IL1RAPL1: variants seen among roughly 807,000 people sequenced by gnomAD.
The protein encoded by IL1RAPL1 is interleukin 1 receptor accessory protein like 1.
A neutral mutation model predicts 48.4 loss-of-function variants in IL1RAPL1; 3 were observed. The observed-to-expected ratio is 0.06, with a 90% CI of 0.03 to 0.16. The LOEUF is 0.16. Ranked by LOEUF, IL1RAPL1 falls within the 10% of genes least tolerant of loss-of-function variation. IL1RAPL1 has a pLI of 1.00. For synonymous variants in IL1RAPL1, 185 were observed against 187.7 expected (o/e 0.99, Z 0.12); for missense variants, 349 against 530.6 (o/e 0.66, Z 3.36).
In IL1RAPL1 at chrX:29,451,823, A is replaced by G. The variant is rs767154679; in HGVS notation, c.703+52515A>G. Among the ~76,000 whole-genome samples, 7 of 112,210 alleles carry G rather than the reference A, an allele frequency of 6.2e-5. No homozygotes were observed. In the South Asian group the frequency reaches 2.6e-3, roughly 41 times the overall value. On this transcript the variant is annotated intron_variant, in intron 5 of 10. Coordinates refer to ENST00000378993, the MANE Select transcript of IL1RAPL1 (RefSeq NM_014271.4). ...AAACAGTATTTGGTGGTTCAACAAA[A>G]TAGAAAATTAATTTTAAAAATAGAG...
chrX:29,107,918 T>C (rs1028195430), intron 2 of IL1RAPL1, among the ~76,000 whole-genome samples: 3 of 112,115 alleles, frequency 2.7e-5, no homozygotes. Flanking sequence ...ATGACTACTC[T>C]TTACTTAACA....
intron 2 of IL1RAPL1, among the ~76,000 whole-genome samples, chrX:28,926,188 C>A (rs976296549): frequency 8.9e-6 from 1 of 111,812 alleles, no homozygotes; most frequent in Non-Finnish European, 1.9e-5. Flanking sequence ...CTAGCAGCTT[C>A]GTATTGAGCA....
Position 29,484,309 on chromosome X carries a change from A to G in IL1RAPL1, c.703+85001A>G, listed in dbSNP as rs192506147. Among the ~76,000 whole-genome samples, 372 of 111,534 alleles carry G rather than the reference A, an allele frequency of 3.3e-3. 2 individuals are homozygous for G. The highest frequency in any genetic ancestry group is 0.011 in the African/African-American group (329 of 30,662). The stretch of plus-strand genomic sequence containing the variant: ...ATGTCGAAGGGTATCACATGGTGAC[A>G]GGGCAAGATCTTTCTTCTTCCTATA... On this transcript the variant is annotated intron_variant, in intron 5 of 10. Transcript: ENST00000378993.
At chrX:28,859,069 A>G (rs1448301087) in intron 2 of IL1RAPL1, among the ~76,000 whole-genome samples, 2 of 112,198 alleles carry the variant, frequency 1.8e-5, no homozygotes, top group Non-Finnish European at 3.8e-5. Flanking sequence ...TTACTTACCC[A>G]TGTTTTCCAA....
At chrX:28,697,558 T>C (rs528315711) in intron 1 of IL1RAPL1, among the ~76,000 whole-genome samples, 2 of 111,730 alleles carry the variant, frequency 1.8e-5, no homozygotes, top group South Asian at 7.3e-4. Flanking sequence ...AGTTACTCTT[T>C]AAATTTCCTC....
At chrX:29,328,791 G>A (rs1182401654) in intron 3 of IL1RAPL1, among the ~76,000 whole-genome samples, 1 of 109,960 alleles carries the variant, frequency 9.1e-6, no homozygotes, top group Non-Finnish European at 1.9e-5. Context: ...ATTCAAAGTA[G>A]TTATGTCTGT....
chrX:28,622,455 A>G (rs1934294893), intron 1 of IL1RAPL1, among the ~76,000 whole-genome samples: 1 of 112,014 alleles, frequency 8.9e-6, no homozygotes, highest in African/African-American at 3.2e-5. Context: ...TTTTAAAAAA[A>G]GAAGATAAAT....
chrX:29,815,149 G>A (rs1472193069), intron 6 of IL1RAPL1, among the ~76,000 whole-genome samples: 1 of 111,397 alleles, frequency 9.0e-6, no homozygotes, highest in East Asian at 2.8e-4. Flanking sequence ...GAATAACGCT[G>A]AATCTATAAA....
intron 1 of IL1RAPL1, among the ~76,000 whole-genome samples, chrX:28,699,609 G>C: frequency 8.9e-6 from 1 of 112,018 alleles, no homozygotes; most frequent in Non-Finnish European, 1.9e-5. Context: ...AAGTTAATTA[G>C]TGCCAGATTA....
chrX:29,063,010 A>G (rs903396299), intron 2 of IL1RAPL1, among the ~76,000 whole-genome samples: 2 of 111,393 alleles, frequency 1.8e-5, no homozygotes, highest in African/African-American at 6.5e-5. Flanking sequence ...CTGTATGTAG[A>G]CTTAGTGTTA....
intron 2 of IL1RAPL1, among the ~76,000 whole-genome samples, chrX:28,834,243 G>T (rs1301983987): frequency 9.2e-6 from 1 of 109,240 alleles, no homozygotes; most frequent in Non-Finnish European, 1.9e-5. Flanking sequence ...TCATATAAAT[G>T]GAATTATACC....
chrX:29,823,989 C>T (rs1170850640), intron 6 of IL1RAPL1, among the ~76,000 whole-genome samples: 1 of 111,713 alleles, frequency 9.0e-6, no homozygotes, highest in East Asian at 2.8e-4. Context: ...CCCTTTCTCA[C>T]ATCCCCGGAT....
intron 2 of IL1RAPL1, among the ~76,000 whole-genome samples, chrX:29,157,043 G>C (rs1320198682): frequency 1.8e-5 from 2 of 111,716 alleles, no homozygotes; most frequent in Non-Finnish European, 1.9e-5. Flanking sequence ...GATCCTTGGA[G>C]TTAAAGAGAT....
At chrX:28,862,063 G>C (rs917402345) in intron 2 of IL1RAPL1, among the ~76,000 whole-genome samples, 1 of 111,494 alleles carries the variant, frequency 9.0e-6, no homozygotes, top group African/African-American at 3.3e-5. Context: ...ATGCTAAGAA[G>C]AAAATTTGAA....
chrX:29,186,053 C>T (rs1930245392), intron 2 of IL1RAPL1, among the ~76,000 whole-genome samples: 1 of 111,923 alleles, frequency 8.9e-6, no homozygotes, highest in African/African-American at 3.2e-5. Context: ...AAATAAAACT[C>T]ACTGTTAATA....
intron 2 of IL1RAPL1, among the ~76,000 whole-genome samples, chrX:28,876,351 T>C (rs1285358836): frequency 8.9e-6 from 1 of 112,080 alleles, no homozygotes. Context: ...CACAACTCTT[T>C]GGCCAGAATT....
intron 2 of IL1RAPL1, among the ~76,000 whole-genome samples, chrX:28,939,068 C>T (rs1182835326): frequency 9.1e-6 from 1 of 109,375 alleles, no homozygotes; most frequent in Non-Finnish European, 1.9e-5. Context: ...AAAGAGAACA[C>T]TTACACACTG....
chrX:28,619,951 A>G (rs1450370799), intron 1 of IL1RAPL1, among the ~76,000 whole-genome samples: 1 of 111,364 alleles, frequency 9.0e-6, no homozygotes, highest in Non-Finnish European at 1.9e-5. Context: ...GTTGTATGAA[A>G]TATTCTAAGG....
At chrX:29,174,643 A>G (rs1256664949) in intron 2 of IL1RAPL1, among the ~76,000 whole-genome samples, 3 of 106,207 alleles carry the variant, frequency 2.8e-5, no homozygotes, top group African/African-American at 1.0e-4. Flanking sequence ...GTTTAATGAT[A>G]TAGGAATTGC....
Sources: gnomAD v4.1 joint callset for allele counts (sites outside exome capture counted in the v4.1 genomes callset) on GRCh38, gnomAD v4.1.1 for gene constraint, MANE v1.5 for transcripts, NCBI Gene and HGNC (gene_info 2026-07-23, HGNC 2026-07-21) for gene names.